The following PLXNA2 variants were observed in gnomAD, a reference collection of about 807,000 sequenced individuals.
The protein encoded by PLXNA2 is plexin-A2.
PLXNA2 carries 91 observed loss-of-function variants against 193.5 expected under a neutral mutation model. That is an observed-to-expected ratio of 0.47 (90% confidence interval 0.40 to 0.56). The LOEUF is 0.56. PLXNA2 is among the 20% of genes least tolerant of loss of function. PLXNA2 has a pLI of 0.00. For synonymous variants in PLXNA2, 997 were observed against 1,027.3 expected (o/e 0.97, Z 0.56); for missense variants, 1,995 against 2,503.2 (o/e 0.80, Z 4.33).
intron 22 of PLXNA2, among the ~76,000 whole-genome samples, chr1:208,041,559 G>A (rs1340768838): frequency 6.6e-6 from 1 of 152,204 alleles, no homozygotes; most frequent in Non-Finnish European, 1.5e-5. Flanking sequence ...CTATCTGTGC[G>A]GTCCCGTATG....
intron 6 of PLXNA2, among the ~76,000 whole-genome samples, chr1:208,098,456 TCTCACACACACACACACA>T (rs1666985856): frequency 9.2e-6 from 1 of 109,106 alleles, no homozygotes. Flanking sequence ...TCTCTCTCTC[TCTCACACACACACACACA>T]CACACACACA....
chr1:208,120,448 C>T (rs760870331), intron 4 of PLXNA2, among the ~76,000 whole-genome samples: 1 of 152,120 alleles, frequency 6.6e-6, no homozygotes, highest in South Asian at 2.1e-4. Context: ...CAGCACTTTT[C>T]GGGTTCTTCA....
intron 3 of PLXNA2, among the ~76,000 whole-genome samples, chr1:208,182,439 G>C (rs143388522): frequency 1.1e-4 from 17 of 151,702 alleles, no homozygotes; most frequent in Admixed American, 9.8e-4. Flanking sequence ...TCTCAGAAAA[G>C]AAAAAAAGAA....
chr1:208,096,840 A>T lies in PLXNA2; in HGVS notation c.1775T>A (p.Ile592Asn). The change falls in exon 7 of 32, where the codon ATC becomes AAC. Residue 592 changes from isoleucine to asparagine, a missense_variant. Physicochemically the swap from Ile to Asn is moderately radical, Grantham distance 149 (BLOSUM62 -3). Transcript: ENST00000367033. ...TGTCAGGTTCCCAAAGGCACAGGCGATACCCGCAGATAGATCAGGAGCATC... is the reference window on the plus strand; with the variant it reads ...TGTCAGGTTCCCAAAGGCACAGGCGTTACCCGCAGATAGATCAGGAGCATC... ...VSDAPDLSAG[I>N]ACAFGNLTEV... 6.2e-7 allele frequency: 1 copy of T among 1,614,110 alleles called. No individual in the cohort carries two copies. Among genetic ancestry groups the T allele is most frequent in the Non-Finnish European group, 8.5e-7 (1 of 1,180,012 alleles).
intron 3 of PLXNA2, among the ~76,000 whole-genome samples, chr1:208,161,958 T>A (rs1443961950): frequency 1.3e-5 from 2 of 152,246 alleles, no homozygotes; most frequent in African/African-American, 4.8e-5. Context: ...CCTGGGTGCC[T>A]GGCAGGGTAG....
intron 1 of PLXNA2, among the ~76,000 whole-genome samples, chr1:208,220,664 A>G (rs1354111696): frequency 6.7e-6 from 1 of 150,158 alleles, no homozygotes; most frequent in South Asian, 2.1e-4. Flanking sequence ...CACTGCTCTC[A>G]ATCTCCTGAC....
At chr1:208,068,568 C>T (rs115300964) in intron 12 of PLXNA2, among the ~76,000 whole-genome samples, 33 of 152,284 alleles carry the variant, frequency 2.2e-4, no homozygotes, top group African/African-American at 7.0e-4. Context: ...TGTGGACTCT[C>T]GGATTTCTAT....
At chr1:208,142,017 G>T in intron 4 of PLXNA2, among the ~76,000 whole-genome samples, 1 of 152,238 alleles carries the variant, frequency 6.6e-6, no homozygotes, top group East Asian at 1.9e-4. Flanking sequence ...GACTCTGTGG[G>T]CCTGAGAGCA....
rs570680295 is a variant in PLXNA2, at chr1:208,042,993, C to A, written c.4017+68G>T. The A allele has an allele frequency of 1.5e-4, 230 of 1,549,300 alleles. 3 individuals are homozygous for A. The South Asian group carries it at 2.5e-3, about 17-fold the overall frequency. ...CTTACTCAGTACTGCTGAGTCTCAT[C>A]TGGATTTCCTAGGATACCCTGGGCC... is the stretch of plus-strand genomic sequence containing the variant. On this transcript the variant is annotated intron_variant, in intron 21 of 31. Transcript: ENST00000367033.
At chr1:208,106,592 A>G (rs547706423) in intron 4 of PLXNA2, among the ~76,000 whole-genome samples, 1 of 152,364 alleles carries the variant, frequency 6.6e-6, no homozygotes, top group African/African-American at 2.4e-5. Flanking sequence ...GATGTACTGT[A>G]AGTCTACAAT....
chr1:208,079,569 A>G (rs1022169926), intron 11 of PLXNA2, 119 bp from the exon 12 acceptor site: 14 of 690,544 alleles, frequency 2.0e-5, no homozygotes, highest in Non-Finnish European at 2.9e-5. Flanking sequence ...AACACCACCA[A>G]TCATCATTAT....
chr1:208,101,724 G>A (rs557846116), intron 5 of PLXNA2, among the ~76,000 whole-genome samples: 1 of 152,172 alleles, frequency 6.6e-6, no homozygotes, highest in Non-Finnish European at 1.5e-5. Flanking sequence ...GATAATCCCC[G>A]ATCTATAATT....
chr1:208,103,482 A>G (rs1352487694), intron 4 of PLXNA2, among the ~76,000 whole-genome samples: 1 of 152,200 alleles, frequency 6.6e-6, no homozygotes, highest in East Asian at 1.9e-4. Flanking sequence ...CGCGAGAGGT[A>G]GCAGCAAAGG....
intron 28 of PLXNA2, among the ~76,000 whole-genome samples, chr1:208,032,818 A>T (rs1664544402): frequency 6.6e-6 from 1 of 152,206 alleles, no homozygotes; most frequent in South Asian, 2.1e-4. Flanking sequence ...AAAGGCCAGC[A>T]TATCTATCCA....
intron 22 of PLXNA2, among the ~76,000 whole-genome samples, chr1:208,040,791 G>A (rs1200046750): frequency 6.6e-6 from 1 of 152,262 alleles, no homozygotes; most frequent in Non-Finnish European, 1.5e-5. Flanking sequence ...CCCTCAGGTA[G>A]AGAGCAGTGC....
chr1:208,201,786 T>G (rs964935855), intron 3 of PLXNA2, among the ~76,000 whole-genome samples: 1 of 152,124 alleles, frequency 6.6e-6, no homozygotes, highest in African/African-American at 2.4e-5. Flanking sequence ...TAAGTCACAA[T>G]TGTAGTAATA....
At chr1:208,053,623 C>A (rs915404770) in intron 14 of PLXNA2, among the ~76,000 whole-genome samples, 2 of 152,200 alleles carry the variant, frequency 1.3e-5, no homozygotes, top group African/African-American at 4.8e-5. Context: ...GCTGGTTTGA[C>A]CCCATCTGCT....
chr1:208,050,995 C>A lies in PLXNA2; in HGVS notation c.3255+14G>T, dbSNP rs1175245970. On this transcript the variant is annotated intron_variant, in intron 17 of 31. Coordinates refer to ENST00000367033, the MANE Select transcript of PLXNA2 (RefSeq NM_025179.4). ...GTGTTTACCAAAGGCTGGGGCAGAC[C>A]AACAGTTACTCACATTGACAGATTC... 1.3e-6 allele frequency: 2 copies of A among 1,591,840 alleles called. No homozygotes were observed. Among genetic ancestry groups the A allele is most frequent in the Middle Eastern group, 1.7e-4 (1 of 6,024 alleles).
At chr1:208,141,124 A>G (rs142837960) in intron 4 of PLXNA2, among the ~76,000 whole-genome samples, 1 of 152,192 alleles carries the variant, frequency 6.6e-6, no homozygotes, top group African/African-American at 2.4e-5. Flanking sequence ...GTTCAAGAGG[A>G]TCTGGATATA....
Sources: allele counts gnomAD v4.1 joint callset (sites outside exome capture counted in the v4.1 genomes callset), GRCh38; gene constraint gnomAD v4.1.1; transcripts MANE v1.5; gene names NCBI Gene and HGNC (gene_info 2026-07-23, HGNC 2026-07-21).